DPYD: variants seen among roughly 807,000 people sequenced by gnomAD.
DPYD encodes the protein dihydropyrimidine dehydrogenase.
In DPYD, 109 loss-of-function variants were observed where a neutral mutation model predicts 116.2. The ratio of observed to expected loss-of-function variants is 0.94; its 90% CI spans 0.80 to 1.10. The LOEUF (loss-of-function observed/expected upper bound fraction) is 1.10. DPYD is among the 50% of genes least tolerant of loss of function. The pLI is 0.00. For synonymous variants in DPYD, 440 were observed against 432.0 expected (o/e 1.02, Z -0.23); for missense variants, 1,302 against 1,254.5 (o/e 1.04, Z -0.57).
chr1:97,553,254 T>G (rs1287069668), intron 11 of DPYD, among the ~76,000 whole-genome samples: 1 of 151,980 alleles, frequency 6.6e-6, no homozygotes, highest in South Asian at 2.1e-4. Flanking sequence ...TTTCCTAATT[T>G]CAACAATTCT....
intron 3 of DPYD, among the ~76,000 whole-genome samples, chr1:97,763,413 TC>T (rs1419779953): frequency 6.6e-6 from 1 of 151,986 alleles, no homozygotes; most frequent in Admixed American, 6.6e-5. Context: ...ATTGTTACCT[TC>T]TCTTCCTCTT....
intron 20 of DPYD, among the ~76,000 whole-genome samples, chr1:97,179,312 C>A (rs557221668): frequency 2.0e-5 from 3 of 152,072 alleles, no homozygotes; most frequent in Non-Finnish European, 4.4e-5. Flanking sequence ...TTGGGACCTA[C>A]ATTAAGTGGA....
At chr1:97,537,629 T>C (rs1252058760) in intron 12 of DPYD, among the ~76,000 whole-genome samples, 1 of 147,448 alleles carries the variant, frequency 6.8e-6, no homozygotes, top group Admixed American at 6.9e-5. Context: ...AATTTGGAAT[T>C]CCATATTTTT....
intron 8 of DPYD, among the ~76,000 whole-genome samples, chr1:97,676,184 T>G (rs1242124274): frequency 1.3e-5 from 2 of 152,184 alleles, no homozygotes; most frequent in Non-Finnish European, 2.9e-5. Context: ...TAACAGAGAC[T>G]TTCATTTCTA....
chr1:97,906,069 T>G (rs956684140), intron 1 of DPYD, among the ~76,000 whole-genome samples: 3 of 152,124 alleles, frequency 2.0e-5, no homozygotes, highest in Non-Finnish European at 4.4e-5. Flanking sequence ...CCCTATTAAT[T>G]CTAACTCTGC....
intron 3 of DPYD, among the ~76,000 whole-genome samples, chr1:97,816,588 G>A (rs571694234): frequency 6.6e-6 from 1 of 152,156 alleles, no homozygotes; most frequent in Admixed American, 6.6e-5. Context: ...ACTATACAAA[G>A]CTAATTGTCC....
chr1:97,239,624 C>T (rs911796381), intron 18 of DPYD, among the ~76,000 whole-genome samples: 1 of 152,010 alleles, frequency 6.6e-6, no homozygotes, highest in Non-Finnish European at 1.5e-5. Flanking sequence ...AGAAACAATT[C>T]ACATTTGTTA....
At chr1:97,873,160 C>T (rs888362088) in intron 2 of DPYD, among the ~76,000 whole-genome samples, 1 of 151,862 alleles carries the variant, frequency 6.6e-6, no homozygotes, top group African/African-American at 2.4e-5. Flanking sequence ...TGGGCAAAAA[C>T]CGTTTTGTCC....
intron 14 of DPYD, among the ~76,000 whole-genome samples, chr1:97,417,653 G>A (rs1047782209): frequency 6.6e-6 from 1 of 152,028 alleles, no homozygotes; most frequent in African/African-American, 2.4e-5. Flanking sequence ...TTACGATGTT[G>A]TTTTCACTTT....
chr1:97,506,439 G>A (rs1647336497), intron 13 of DPYD, among the ~76,000 whole-genome samples: 1 of 151,676 alleles, frequency 6.6e-6, no homozygotes, highest in Non-Finnish European at 1.5e-5. Flanking sequence ...ACAGAATAAG[G>A]GTAAAATCAG....
At chr1:97,357,473 C>A (rs971375181) in intron 16 of DPYD, among the ~76,000 whole-genome samples, 6 of 151,202 alleles carry the variant, frequency 4.0e-5, no homozygotes, top group Admixed American at 4.0e-4. Context: ...CATTTAATTT[C>A]TTTCTCTTGC....
At chr1:97,693,852 A>G (rs774099756) in intron 6 of DPYD, among the ~76,000 whole-genome samples, 26 of 152,178 alleles carry the variant, frequency 1.7e-4, no homozygotes, top group Non-Finnish European at 2.9e-4. Flanking sequence ...CACATGGAAT[A>G]AAAGGAAAAA....
intron 18 of DPYD, among the ~76,000 whole-genome samples, chr1:97,259,802 T>C (rs1663758944): frequency 6.6e-6 from 1 of 152,158 alleles, no homozygotes; most frequent in South Asian, 2.1e-4. Flanking sequence ...CCTTCTTCTA[T>C]ATCTGTACAA....
intron 3 of DPYD, among the ~76,000 whole-genome samples, chr1:97,784,123 AT>A (rs1242743264): frequency 1.3e-5 from 2 of 152,174 alleles, no homozygotes; most frequent in Non-Finnish European, 2.9e-5. Context: ...ACTTCATTTG[AT>A]TTTCTATTCC....
chr1:97,148,944 A>G (rs546996840), intron 20 of DPYD, among the ~76,000 whole-genome samples: 1 of 152,354 alleles, frequency 6.6e-6, no homozygotes, highest in South Asian at 2.1e-4. Flanking sequence ...TAAGTTTACA[A>G]CAGAGTCTTT....
In DPYD at chr1:97,732,211, C is replaced by T. The variant is rs187970657; in HGVS notation, c.321+8181G>A. On this transcript the variant is annotated intron_variant, in intron 4 of 22. Coordinates refer to ENST00000370192, the MANE Select transcript of DPYD (RefSeq NM_000110.4). ...GCTGTGATTAAAAGTAAAAATGAGC[C>T]GGGAGCTGTAATCCCAGCACTTTGG... 5.3e-5 allele frequency among the ~76,000 whole-genome samples: 8 copies of T among 151,908 alleles called. No homozygotes were observed. The East Asian group carries it at 9.7e-4, about 18-fold the overall frequency.
intron 16 of DPYD, chr1:97,308,324 T>G (rs563501633): frequency 1.3e-5 from 2 of 151,894 alleles, no homozygotes; most frequent in African/African-American, 4.8e-5. Flanking sequence ...CCTCCATGAG[T>G]AAATTTGACC....
chr1:97,890,035 T>C (rs1461566105), intron 1 of DPYD, among the ~76,000 whole-genome samples: 4 of 152,026 alleles, frequency 2.6e-5, no homozygotes, highest in Non-Finnish European at 5.9e-5. Flanking sequence ...ATATTGTTGA[T>C]ACCATTTATA....
At chr1:97,488,620 C>G (rs6664888) in intron 13 of DPYD, among the ~76,000 whole-genome samples, 31,425 of 152,086 alleles carry the variant, frequency 0.21, 3,892 homozygotes, top group East Asian at 0.46. Flanking sequence ...GGACTCAACT[C>G]TGGAGGCAGG....
Sources: allele counts gnomAD v4.1 joint callset (sites outside exome capture counted in the v4.1 genomes callset), GRCh38; gene constraint gnomAD v4.1.1; transcripts MANE v1.5; gene names NCBI Gene and HGNC (gene_info 2026-07-23, HGNC 2026-07-21).